The following SYTL5 variants were observed in gnomAD, a reference collection of about 807,000 sequenced individuals.
SYTL5 encodes the protein synaptotagmin like 5.
A neutral mutation model predicts 55.9 loss-of-function variants in SYTL5; 34 were observed. The ratio of observed to expected loss-of-function variants is 0.61; its 90% CI spans 0.46 to 0.81. The LOEUF is 0.81. Ranked by LOEUF, SYTL5 falls within the 30% of genes least tolerant of loss-of-function variation. The probability of loss-of-function intolerance (pLI) is 0.00; values close to 1 mark genes in which losing one functional copy is unlikely to be tolerated. For missense variants in SYTL5, 637 were observed against 546.7 expected, an observed-to-expected ratio of 1.17 and a Z score of -1.65; for synonymous variants, 221 against 188.7, an observed-to-expected ratio of 1.17 and a Z score of -1.40.
At chrX:38,087,178 T>A (rs1936677107) in intron 6 of SYTL5, among the ~76,000 whole-genome samples, 3 of 111,407 alleles carry the variant, frequency 2.7e-5, no homozygotes, top group Admixed American at 1.9e-4. Context: ...TTCTGCAAGA[T>A]TGACCCCTGC....
At chrX:38,097,847 A>G (rs73467469) in intron 9 of SYTL5, among the ~76,000 whole-genome samples, 5,233 of 108,395 alleles carry the variant, frequency 0.048, 113 homozygotes, top group Middle Eastern at 0.083. Context: ...TGGCATAAGC[A>G]TTGGCAATCA....
the SYTL5 span, among the ~76,000 whole-genome samples, chrX:37,970,636 G>T: frequency 1.8e-5 from 2 of 111,435 alleles, no homozygotes; most frequent in African/African-American, 6.5e-5. Flanking sequence ...TAATTTAGTA[G>T]TTTACCTAGA....
the SYTL5 span, chrX:37,991,121 G>C: frequency 8.3e-7 from 1 of 1,211,553 alleles, no homozygotes; most frequent in Non-Finnish European, 1.1e-6. Flanking sequence ...ACAACCGTGA[G>C]CCCCACAGCG....
the SYTL5 span, among the ~76,000 whole-genome samples, chrX:37,895,458 C>CTTCCTTCCT: frequency 1.7e-5 from 1 of 57,276 alleles, no homozygotes; most frequent in African/African-American, 1.2e-4. Context: ...CCTTCCTTCC[C>CTTCCTTCCT]TCCCTCCCTC....
chrX:37,927,998 G>T, the SYTL5 span, among the ~76,000 whole-genome samples: 3 of 112,034 alleles, frequency 2.7e-5, no homozygotes, highest in Non-Finnish European at 5.6e-5. Context: ...AAATGGTGAG[G>T]TTATACAGGT....
Position 38,126,604 on chromosome X carries a change from G to A in SYTL5, c.2067G>A (p.Lys689=). The part of the protein sequence containing the change: ...LNSGSGVSHG[K]NVDWMDSQGE... ...CCTCTTCAGGTGTGAGCCATGGGAA[G>A]AACGTGGATTGGATGGACTCTCAGG... is the stretch of plus-strand genomic sequence containing the variant. Residue 689 remains lysine, a synonymous_variant, in exon 17 of 17, where the codon AAG becomes AAA. Coordinates refer to ENST00000297875, the MANE Select transcript of SYTL5 (RefSeq NM_138780.3). 1 of 1,211,623 alleles carries A rather than the reference G, an allele frequency of 8.3e-7. No homozygotes were observed. Among genetic ancestry groups the A allele is most frequent in the Non-Finnish European group, 1.1e-6 (1 of 895,378 alleles).
intron 1 of SYTL5, among the ~76,000 whole-genome samples, chrX:38,027,177 C>A (rs1180307835): frequency 9.0e-6 from 1 of 111,682 alleles, no homozygotes; most frequent in South Asian, 3.7e-4. Flanking sequence ...AGTAAGTGTT[C>A]AATTTAAGAA....
intron 3 of SYTL5, among the ~76,000 whole-genome samples, chrX:38,061,729 G>A (rs758427816): frequency 9.0e-6 from 1 of 111,433 alleles, no homozygotes; most frequent in South Asian, 3.8e-4. Context: ...GCTATTGTAA[G>A]CCTAGTTTTT....
At chrX:38,011,522 T>C (rs1934186889) in intron 1 of SYTL5, among the ~76,000 whole-genome samples, 5 of 110,405 alleles carry the variant, frequency 4.5e-5, no homozygotes, top group Admixed American at 9.6e-5. Flanking sequence ...TAGTCTCAGC[T>C]ACTCGGGAGA....
At chrX:37,901,457 G>A in the SYTL5 span, among the ~76,000 whole-genome samples, 4 of 111,954 alleles carry the variant, frequency 3.6e-5, no homozygotes, top group Admixed American at 2.8e-4. Context: ...TCATATGAGG[G>A]ACAACTATCT....
chrX:38,015,241 T>C (rs1167365893), intron 1 of SYTL5, among the ~76,000 whole-genome samples: 2 of 112,372 alleles, frequency 1.8e-5, no homozygotes, highest in African/African-American at 6.5e-5. Flanking sequence ...TAATATGACA[T>C]GTGTGATTAA....
intron 1 of SYTL5, among the ~76,000 whole-genome samples, chrX:38,007,374 G>C (rs1439999065): frequency 9.0e-6 from 1 of 111,307 alleles, no homozygotes; most frequent in East Asian, 2.8e-4. Context: ...AATGTAGATT[G>C]TTTTAATTAC....
At chrX:38,003,475 A>G (rs745892816), upstream of SYTL5, among the ~76,000 whole-genome samples, 29 of 111,559 alleles carry the variant, frequency 2.6e-4, no homozygotes, top group Non-Finnish European at 3.8e-4. Flanking sequence ...TCCCATTCAC[A>G]ATTGCTTCAA....
At chrX:37,990,089 G>A in the SYTL5 span, among the ~76,000 whole-genome samples, 2 of 109,746 alleles carry the variant, frequency 1.8e-5, no homozygotes, top group African/African-American at 6.7e-5. Flanking sequence ...TTTAACTGTG[G>A]TCTCGATCTC....
chrX:38,015,851 C>A (rs1374801559), intron 1 of SYTL5, among the ~76,000 whole-genome samples: 1 of 111,241 alleles, frequency 9.0e-6, no homozygotes, highest in Non-Finnish European at 1.9e-5. Flanking sequence ...CTTGAATGAA[C>A]TTCAAATGAT....
Position 38,108,694 on chromosome X carries a change from C to T in SYTL5, c.1429C>T (p.Leu477=), listed in dbSNP as rs769461388. 8.5e-7 allele frequency: 1 copy of T among 1,175,757 alleles called. No homozygotes were observed. ...CACCAATCCAGAATTCAATGAAACA[C>T]TAAAGGTAAATAAATACGGTCTCAT... ...TGTNPEFNET[L]KYTISHTQLE... The change falls in exon 12 of 17, where the codon CTA becomes TTA. Residue 477 remains leucine, a synonymous_variant. Coordinates refer to ENST00000297875, the MANE Select transcript of SYTL5 (RefSeq NM_138780.3).
Position 38,094,417 on chromosome X carries a change from C to A in SYTL5, c.954C>A (p.Leu318=). 8.3e-7 allele frequency: 1 copy of A among 1,198,501 alleles called. No homozygotes were observed. The highest frequency in any genetic ancestry group is 1.8e-5 in the South Asian group (1 of 54,513). ...CCATAGCAGTGTCTGGAACCTCTCT[C>A]TCCTCAGGTGGGTATTTACAATGTG... The part of the protein sequence containing the change: ...TPSIAVSGTS[L]SSDQSRSELD... The change falls in exon 8 of 17, where the codon CTC becomes CTA. Residue 318 remains leucine, a synonymous_variant. Coordinates refer to ENST00000297875, the MANE Select transcript of SYTL5 (RefSeq NM_138780.3).
At chrX:37,993,627 G>C in the SYTL5 span, among the ~76,000 whole-genome samples, 2 of 112,490 alleles carry the variant, frequency 1.8e-5, no homozygotes, top group African/African-American at 6.5e-5. Flanking sequence ...ATAAACATAG[G>C]AACATTGATC....
At chrX:38,014,720 T>C (rs1372114705) in intron 1 of SYTL5, among the ~76,000 whole-genome samples, 1 of 111,835 alleles carries the variant, frequency 8.9e-6, no homozygotes, top group Admixed American at 9.5e-5. Context: ...AGACAAATGG[T>C]TGCATTCTTT....
Sources: allele counts gnomAD v4.1 joint callset (sites outside exome capture counted in the v4.1 genomes callset), GRCh38; gene constraint gnomAD v4.1.1; transcripts MANE v1.5; gene names NCBI Gene and HGNC (gene_info 2026-07-23, HGNC 2026-07-21).